The following SARS2 variants were observed in gnomAD, a reference collection of about 807,000 sequenced individuals.
SARS2 encodes seryl-tRNA synthetase 2, mitochondrial, also known as serine--tRNA ligase, mitochondrial.
A neutral mutation model predicts 66.8 loss-of-function variants in SARS2; 52 were observed. That is an observed-to-expected ratio of 0.78 (90% CI 0.62 to 0.98). The LOEUF (loss-of-function observed/expected upper bound fraction) is 0.98, where lower values mean the gene tolerates loss of function less well. Ranked by LOEUF, SARS2 falls within the 50% of genes least tolerant of loss-of-function variation. The pLI is 0.00. For missense variants in SARS2, 673 were observed against 706.3 expected (o/e 0.95, Z 0.53); for synonymous variants, 306 against 281.4 (o/e 1.09, Z -0.87).
Position 38,916,099 on chromosome 19 carries a change from G to A in SARS2, c.1285C>T (p.Gln429Ter), listed in dbSNP as rs751384468. 5 of 1,613,954 alleles carry A rather than the reference G, an allele frequency of 3.1e-6. No homozygotes were observed. Among genetic ancestry groups the A allele is most frequent in the Admixed American group, 3.3e-5 (2 of 60,028 alleles). The stretch of plus-strand genomic sequence containing the variant: ...AACATGATGTGGAGGCGGCGGCTCT[G>A]GAAGTCTGTGCAGTTGGAAGCACTG... ...VTSASNCTDFQSRRLHIMFQT... is the reference protein window; with the variant it reads ...VTSASNCTDF Residue 429 changes from glutamine to a stop codon, truncating the protein, a stop_gained, in exon 14 of 16, where the codon CAG becomes TAG. Coordinates refer to ENST00000221431, the MANE Select transcript of SARS2 (RefSeq NM_017827.4). LOFTEE classifies it high-confidence loss of function.
rs1443445429 is a variant in SARS2 at position 38,921,451 on chromosome 19, A to G, written c.535-5T>C. On this transcript the variant is annotated splice_region_variant and splice_polypyrimidine_tract_variant and intron_variant, in intron 4 of 15. Coordinates refer to ENST00000221431, the MANE Select transcript of SARS2 (RefSeq NM_017827.4). ...CTGGCTCTCATCCCCGACGGGCTGC[A>G]GGGAGACAGCAGGAGTCACGGAAAG... The G allele has an allele frequency of 3.7e-6, 6 of 1,614,002 alleles. No individual in the cohort carries two copies. The highest frequency in any genetic ancestry group is 2.2e-5 in the South Asian group (2 of 91,086).
chr19:38,924,267 A>G (rs1484723796), intron 2 of SARS2, among the ~76,000 whole-genome samples: 1 of 152,274 alleles, frequency 6.6e-6, no homozygotes, highest in East Asian at 1.9e-4. Flanking sequence ...ACCTTCCATG[A>G]TCCTAAGCAG....
At chr19:38,917,439 G>A (rs889746472) in intron 12 of SARS2, among the ~76,000 whole-genome samples, 1 of 152,204 alleles carries the variant, frequency 6.6e-6, no homozygotes, top group African/African-American at 2.4e-5. Flanking sequence ...TTGCACAGAT[G>A]AGGCAGTGGC....
At chr19:38,929,682 C>T (rs116962337) in intron 1 of SARS2, among the ~76,000 whole-genome samples, 1,597 of 152,170 alleles carry the variant, frequency 0.01, 16 homozygotes, top group Admixed American at 0.019. Context: ...GCCTTAGTTT[C>T]CCCTCTGATA....
chr19:38,921,444 G>A lies in SARS2; in HGVS notation c.537C>T (p.Pro179=), dbSNP rs367745401. The A allele has an allele frequency of 3.0e-5, 48 of 1,613,914 alleles. No individual in the cohort carries two copies. The highest frequency in any genetic ancestry group is 1.7e-4 in the Middle Eastern group (1 of 6,000). Residue 179 remains proline (P), a splice_region_variant and synonymous_variant, in exon 5 of 16, where the codon CCC becomes CCT. Coordinates refer to ENST00000221431, the MANE Select transcript of SARS2 (RefSeq NM_017827.4). ...CTCGAGCCTGGCTCTCATCCCCGAC[G>A]GGCTGCAGGGAGACAGCAGGAGTCA... ...KLPNQTHPDV[P]VGDESQARVL...
chr19:38,926,701 G>A lies in SARS2; in HGVS notation c.268-401C>T, dbSNP rs534663062. ...CCCAGGAGGCTGAGGCACGAGAATC[G>A]CTTGAAACCAGGAAGCGGAGGTTGC... is the stretch of plus-strand genomic sequence containing the variant. On this transcript the variant is annotated intron_variant, in intron 1 of 15. Transcript: ENST00000221431. Among the ~76,000 whole-genome samples, 8 of 152,254 alleles carry A rather than the reference G, an allele frequency of 5.3e-5. No homozygotes were observed. In the East Asian group the frequency reaches 9.7e-4, roughly 18 times the overall value.
At position 38,923,224 on chromosome 19, in the gene SARS2, T is replaced by C. The variant is rs868758406; in HGVS notation, c.364-957A>G. 1.5e-3 allele frequency among the ~76,000 whole-genome samples: 188 copies of C among 124,432 alleles called. 2 individuals carry two copies. The highest frequency in any genetic ancestry group is 5.0e-3 in the Middle Eastern group (1 of 200). The allele number at this position is 124,432 out of a possible 152,430, so 81.6% of individuals were successfully genotyped here. ...CCAGCCTGATCTCAGGTTTTCTTTT[T>C]TTTTTTTTTTTTTTTGAGACGGAGT... is the stretch of plus-strand genomic sequence containing the variant. On this transcript the variant is annotated intron_variant, in intron 2 of 15. Transcript: ENST00000221431.
intron 2 of SARS2, among the ~76,000 whole-genome samples, chr19:38,924,921 G>C (rs148231819): frequency 1.9e-3 from 283 of 152,266 alleles, no homozygotes; most frequent in Non-Finnish European, 3.3e-3. Context: ...GAAAACACCT[G>C]GTATGGTGTG....
At chr19:38,929,783 G>A (rs1033880895) in intron 1 of SARS2, among the ~76,000 whole-genome samples, 25 of 152,294 alleles carry the variant, frequency 1.6e-4, no homozygotes, top group Middle Eastern at 3.4e-3. Flanking sequence ...CAGGCTGGGA[G>A]GGGAGTCCAA....
In SARS2 at chr19:38,918,022, G is replaced by A. The variant is rs1440869535; in HGVS notation, c.963-14C>T. The A allele has an allele frequency of 6.3e-7, 1 of 1,599,916 alleles. No individual in the cohort carries two copies. The highest frequency in any genetic ancestry group is 1.1e-5 in the South Asian group (1 of 88,928). ...GAGCAAACCATCCTGGCAGAGAGCA[G>A]GGAAAGTCGGGTCAAGGAGGGAAGA... On this transcript the variant is annotated splice_polypyrimidine_tract_variant and intron_variant, in intron 10 of 15. Coordinates refer to ENST00000221431, the MANE Select transcript of SARS2 (RefSeq NM_017827.4).
At chr19:38,924,778 GACT>G (rs1974600422) in intron 2 of SARS2, among the ~76,000 whole-genome samples, 1 of 152,160 alleles carries the variant, frequency 6.6e-6, no homozygotes, top group Non-Finnish European at 1.5e-5. Context: ...GAGTAGCTGG[GACT>G]ACAAGTGCGT....
chr19:38,926,089 T>C, intron 2 of SARS2, 116 bp downstream of exon 2: 2 of 889,708 alleles, frequency 2.2e-6, no homozygotes, highest in South Asian at 2.7e-5. Context: ...TAGCTGGGAT[T>C]ATAGGCGTGA....
In SARS2 at chr19:38,917,692, G is replaced by A. The variant is rs780948021; in HGVS notation, c.1160+32C>T. The A allele has an allele frequency of 9.5e-6, 10 of 1,057,876 alleles. 1 individual carries two copies. The highest frequency in any genetic ancestry group is 1.5e-5 in the Non-Finnish European group (10 of 686,364). 65.5% of individuals were successfully genotyped at this position (1,057,876 alleles called of 1,614,324 possible). Reference sequence around the variant, plus strand: ...CTTGTCCCTCCCCTACCCCACCCCTGCCATCCCTGGATCCCTGGCCCCTCT... The same window carrying A: ...CTTGTCCCTCCCCTACCCCACCCCTACCATCCCTGGATCCCTGGCCCCTCT... On this transcript the variant is annotated intron_variant, in intron 12 of 15. Coordinates refer to ENST00000221431, the MANE Select transcript of SARS2 (RefSeq NM_017827.4).
intron 4 of SARS2, 31 bp from the exon 5 acceptor site, chr19:38,921,477 G>A (rs749859034): frequency 6.2e-7 from 1 of 1,614,158 alleles, no homozygotes; most frequent in Admixed American, 1.7e-5. Context: ...TCACGGAAAG[G>A]TGGCACTAGG....
chr19:38,924,309 T>C (rs1974593354), intron 2 of SARS2, among the ~76,000 whole-genome samples: 1 of 152,168 alleles, frequency 6.6e-6, no homozygotes, highest in South Asian at 2.1e-4. Flanking sequence ...GGTCTGAATG[T>C]TGGGCACCTA....
At chr19:38,922,027 AT>A in intron 3 of SARS2, 1 of 1,553,344 alleles carries the variant, frequency 6.4e-7, no homozygotes, top group Non-Finnish European at 8.7e-7. Flanking sequence ...TGGCCTGGGA[AT>A]GGGAGGAACG....
At chr19:38,926,095 C>T (rs764768854) in intron 2 of SARS2, 110 bp downstream of exon 2, 10 of 926,740 alleles carry the variant, frequency 1.1e-5, no homozygotes, top group African/African-American at 1.6e-5. Context: ...GGATTATAGG[C>T]GTGAGCCACC....
chr19:38,915,759 GAGC>G lies in SARS2; in HGVS notation c.1414-13_1414-11del, dbSNP rs1233655912. On this transcript the variant is annotated splice_polypyrimidine_tract_variant and intron_variant, in intron 15 of 15. Transcript: ENST00000221431. ...CGAGCACTGAGCCGTCCTGGGGACA[GAGC>G]AGACCTCAGGACACTGCAGATGCCC... 38 of 1,613,272 alleles carry G rather than the reference GAGC, an allele frequency of 2.4e-5. No homozygotes were observed. Among genetic ancestry groups the G allele is most frequent in the Non-Finnish European group, 2.7e-5 (32 of 1,179,994 alleles).
chr19:38,920,142 G>A lies in SARS2; in HGVS notation c.597C>T (p.Ser199=), dbSNP rs1446640997. ...TTTCCAGGTGGCCCCGAGGTTGGAA[G>A]GAGAAAACTGGATGTGGGTGAAAAG... The part of the protein sequence containing the change: ...LHMVGDKPVF[S]FQPRGHLEIG... Residue 199 remains serine (S), a synonymous_variant, in exon 6 of 16, where the codon TCC becomes TCT. Coordinates refer to ENST00000221431, the MANE Select transcript of SARS2 (RefSeq NM_017827.4). 17 of 1,559,224 alleles carry A rather than the reference G, an allele frequency of 1.1e-5. No individual in the cohort carries two copies. The Admixed American group carries it at 2.9e-4, about 27-fold the overall frequency.
Sources: gnomAD v4.1 joint callset for allele counts (sites outside exome capture counted in the v4.1 genomes callset) on GRCh38, gnomAD v4.1.1 for gene constraint, MANE v1.5 for transcripts, NCBI Gene and HGNC (gene_info 2026-07-23, HGNC 2026-07-21) for gene names.